The following DOCK2 variants were observed in gnomAD, a reference collection of about 807,000 sequenced individuals.
DOCK2 encodes dedicator of cytokinesis 2.
A neutral mutation model predicts 248.9 loss-of-function variants in DOCK2; 87 were observed. The ratio of observed to expected loss-of-function variants is 0.35; its 90% CI spans 0.29 to 0.42. The LOEUF (loss-of-function observed/expected upper bound fraction) is 0.42. DOCK2 is among the 10% of genes least tolerant of loss of function. The pLI, the probability that DOCK2 is intolerant of heterozygous loss-of-function variation, is 1.00. For synonymous variants in DOCK2, 805 were observed against 821.6 expected, an observed-to-expected ratio of 0.98 and a Z score of 0.35; for missense variants, 1,747 against 2,300.2, an observed-to-expected ratio of 0.76 and a Z score of 4.92.
At chr5:169,888,818 G>A (rs1388164520) in intron 27 of DOCK2, among the ~76,000 whole-genome samples, 1 of 152,182 alleles carries the variant, frequency 6.6e-6, no homozygotes, top group Non-Finnish European at 1.5e-5. Context: ...CCAGCTGGTA[G>A]CCATGAGACA....
At position 169,972,909 on chromosome 5, in the gene DOCK2, C is replaced by G. The variant is rs80214738; in HGVS notation, c.2800-10159C>G. ...GGGCCACCTCCAAGCAACCACCCCC[C>G]TCCCCAATAAGCTGTTAGCAGATCC... On this transcript the variant is annotated intron_variant, in intron 27 of 51. Coordinates refer to ENST00000520908, the MANE Select transcript of DOCK2 (RefSeq NM_004946.3). Among the ~76,000 whole-genome samples, 766 of 152,262 alleles carry G rather than the reference C, an allele frequency of 5.0e-3. 44 individuals carry two copies. In the East Asian group the frequency reaches 0.13, roughly 25 times the overall value.
chr5:169,660,719 A>G (rs539043085), intron 2 of DOCK2, among the ~76,000 whole-genome samples: 23 of 152,340 alleles, frequency 1.5e-4, no homozygotes, highest in Admixed American at 1.3e-3. Flanking sequence ...ATAAGCACTT[A>G]ACATGGAATC....
At chr5:169,978,926 C>T (rs1581499315) in intron 27 of DOCK2, among the ~76,000 whole-genome samples, 1 of 152,190 alleles carries the variant, frequency 6.6e-6, no homozygotes, top group African/African-American at 2.4e-5. Context: ...CGAGGTGACA[C>T]TGTCTGGTTT....
At chr5:169,776,202 G>T (rs1728774166) in intron 25 of DOCK2, among the ~76,000 whole-genome samples, 2 of 148,080 alleles carry the variant, frequency 1.4e-5, no homozygotes, top group South Asian at 2.1e-4. Flanking sequence ...TCACTCTGTT[G>T]CCCAGTCTAG....
chr5:169,835,669 T>C (rs1769529262), intron 26 of DOCK2, among the ~76,000 whole-genome samples: 1 of 152,174 alleles, frequency 6.6e-6, no homozygotes, highest in African/African-American at 2.4e-5. Context: ...AATGCCAAAA[T>C]AACAATTACA....
intron 25 of DOCK2, among the ~76,000 whole-genome samples, chr5:169,762,400 G>T (rs1314089276): frequency 6.6e-6 from 1 of 152,158 alleles, no homozygotes; most frequent in Non-Finnish European, 1.5e-5. Flanking sequence ...CAGTGGATTT[G>T]CACAGAAGTT....
At chr5:169,778,928 G>T (rs1449706676) in intron 25 of DOCK2, among the ~76,000 whole-genome samples, 1 of 152,180 alleles carries the variant, frequency 6.6e-6, no homozygotes, top group African/African-American at 2.4e-5. Context: ...GTCTAAAGAA[G>T]TATGTGGTAT....
intron 27 of DOCK2, among the ~76,000 whole-genome samples, chr5:169,893,045 A>G (rs980506115): frequency 1.3e-5 from 2 of 151,696 alleles, no homozygotes; most frequent in African/African-American, 4.9e-5. Context: ...GTTCCTCTCT[A>G]GCCCCTTCTC....
chr5:169,881,278 TGAC>T, intron 27 of DOCK2: 1 of 1,101,088 alleles, frequency 9.1e-7, no homozygotes, highest in Admixed American at 2.2e-5. Context: ...TTGCCTCTCT[TGAC>T]TTTTTGCATT....
chr5:169,708,147 C>T, intron 14 of DOCK2, 22 bp from the exon 15 acceptor site: 1 of 1,611,028 alleles, frequency 6.2e-7, no homozygotes, highest in Non-Finnish European at 8.5e-7. Context: ...TCTTTTCCCT[C>T]ACTTTGTTTT....
At position 170,055,515 on chromosome 5, in the gene DOCK2, C is replaced by T. The variant is rs941023000; in HGVS notation, c.4295+129C>T. On this transcript the variant is annotated intron_variant, in intron 42 of 51. Transcript: ENST00000520908. ...TCTCTATCTTAGCCAGTTTTTCCCC[C>T]CTTTTCCTCTTGGGCAAAGAATCAC... 8.6e-6 allele frequency: 7 copies of T among 812,516 alleles called. No individual in the cohort carries two copies. In the African/African-American group the frequency reaches 1.2e-4, roughly 14 times the overall value. 50.3% of individuals were successfully genotyped at this position (812,516 alleles called of 1,614,324 possible).
chr5:169,770,944 G>T (rs1176395977), intron 25 of DOCK2, among the ~76,000 whole-genome samples: 1 of 152,176 alleles, frequency 6.6e-6, no homozygotes, highest in Non-Finnish European at 1.5e-5. Context: ...TGTTGTAAAT[G>T]TTCAAGAGTC....
intron 22 of DOCK2, among the ~76,000 whole-genome samples, chr5:169,744,062 G>A (rs1476481247): frequency 6.6e-6 from 1 of 151,978 alleles, no homozygotes; most frequent in Non-Finnish European, 1.5e-5. Context: ...CTTAACTTGT[G>A]ACATGAATAG....
intron 2 of DOCK2, among the ~76,000 whole-genome samples, chr5:169,660,592 C>A (rs905087707): frequency 1.3e-5 from 2 of 152,134 alleles, no homozygotes; most frequent in Non-Finnish European, 2.9e-5. Context: ...TTTGAATGTA[C>A]CCCTCACTGA....
intron 27 of DOCK2, among the ~76,000 whole-genome samples, chr5:169,857,319 A>G (rs1406952560): frequency 1.3e-5 from 2 of 152,228 alleles, no homozygotes; most frequent in African/African-American, 2.4e-5. Flanking sequence ...TATGATGACA[A>G]TTTATTCTGA....
chr5:169,809,469 C>T (rs1169927118), intron 26 of DOCK2, among the ~76,000 whole-genome samples: 8 of 152,298 alleles, frequency 5.3e-5, no homozygotes, highest in African/African-American at 1.9e-4. Flanking sequence ...TTTCTCAATT[C>T]CATTCCCACT....
chr5:169,784,582 C>T (rs1482855554), intron 25 of DOCK2, among the ~76,000 whole-genome samples: 8 of 152,216 alleles, frequency 5.3e-5, no homozygotes, highest in Non-Finnish European at 1.2e-4. Context: ...TTCATTCATT[C>T]AATTCCTTTT....
chr5:169,816,593 C>T (rs1436720307), intron 26 of DOCK2, among the ~76,000 whole-genome samples: 1 of 152,184 alleles, frequency 6.6e-6, no homozygotes, highest in African/African-American at 2.4e-5. Context: ...GACTCTCACT[C>T]TCCCACCAAA....
At chr5:169,660,370 G>A (rs1293454797) in intron 2 of DOCK2, among the ~76,000 whole-genome samples, 2 of 152,088 alleles carry the variant, frequency 1.3e-5, no homozygotes, top group Non-Finnish European at 2.9e-5. Context: ...TAAAATCAGA[G>A]GAATGAGGGA....
Sources: allele counts gnomAD v4.1 joint callset (sites outside exome capture counted in the v4.1 genomes callset), GRCh38; gene constraint gnomAD v4.1.1; transcripts MANE v1.5; gene names NCBI Gene and HGNC (gene_info 2026-07-23, HGNC 2026-07-21).